The following TENT4B variants were observed in gnomAD, a reference collection of about 807,000 sequenced individuals.
The protein encoded by TENT4B is terminal nucleotidyltransferase 4B.
TENT4B carries 10 observed loss-of-function variants against 75.0 expected under a neutral mutation model. The ratio of observed to expected loss-of-function variants is 0.13; its 90% CI spans 0.08 to 0.23. The LOEUF is 0.23. Among genes scored for constraint, TENT4B ranks in the 10% least tolerant of loss-of-function variants. The pLI, the probability that TENT4B is intolerant of heterozygous loss-of-function variation, is 1.00. For synonymous variants in TENT4B, 350 were observed against 357.7 expected (o/e 0.98, Z 0.24); for missense variants, 579 against 893.8 (o/e 0.65, Z 4.49).
chr16:50,202,889 G>A (rs1356667392), intron 1 of TENT4B, among the ~76,000 whole-genome samples: 1 of 152,132 alleles, frequency 6.6e-6, no homozygotes, highest in Non-Finnish European at 1.5e-5. Context: ...GAAATCAACT[G>A]AAAAACCATC....
rs1349137395 is a variant in TENT4B, at chr16:50,231,854, T to C, written c.*2526T>C. 3 of 984,002 alleles carry C rather than the reference T, an allele frequency of 3.0e-6. No individual in the cohort carries two copies. The highest frequency in any genetic ancestry group is 3.5e-5 in the African/African-American group (2 of 57,192). The allele number at this position is 984,002 out of a possible 1,614,324, so 61.0% of individuals were successfully genotyped here. A position where few individuals can be genotyped will look rare whatever the true frequency, so the allele number is the denominator to read the frequency against. On this transcript the variant is annotated 3_prime_UTR_variant, in exon 12 of 12. Transcript: ENST00000561678. ...TTAGTTTGCCTGCTCATTTGTTTTATACATTTCATCTATTTGACTCCTATC... is the reference window on the plus strand; with the variant it reads ...TTAGTTTGCCTGCTCATTTGTTTTACACATTTCATCTATTTGACTCCTATC...
chr16:50,169,534 G>A (rs898211672), intron 1 of TENT4B, among the ~76,000 whole-genome samples: 1 of 151,788 alleles, frequency 6.6e-6, no homozygotes, highest in Non-Finnish European at 1.5e-5. Context: ...TATTTGGATT[G>A]TAAGTTTATG....
chr16:50,232,291 G>GT lies in TENT4B; in HGVS notation c.*2969dup. 4.1e-6 allele frequency: 4 copies of GT among 985,328 alleles called. No individual in the cohort carries two copies. Among genetic ancestry groups the GT allele is most frequent in the Non-Finnish European group, 4.8e-6 (4 of 829,906 alleles). 61.0% of individuals were successfully genotyped at this position (985,328 alleles called of 1,614,324 possible). Reference sequence around the variant, plus strand: ...TCTAGCTTGGATCTGTAGGACCTATGTTTTTTACAAGTAATTGCCCTCCAG... The same window carrying GT: ...TCTAGCTTGGATCTGTAGGACCTATGTTTTTTTACAAGTAATTGCCCTCCAG... On this transcript the variant is annotated 3_prime_UTR_variant, in exon 12 of 12. Coordinates refer to ENST00000561678, the MANE Select transcript of TENT4B (RefSeq NM_001365324.3).
At chr16:50,206,648 G>T (rs1205229866) in intron 1 of TENT4B, among the ~76,000 whole-genome samples, 1 of 152,036 alleles carries the variant, frequency 6.6e-6, no homozygotes, top group Admixed American at 6.6e-5. Context: ...GAGCAGAGGG[G>T]CTGGCCGTGG....
At chr16:50,163,207 C>T (rs1323593822) in intron 1 of TENT4B, among the ~76,000 whole-genome samples, 1 of 152,072 alleles carries the variant, frequency 6.6e-6, no homozygotes, top group African/African-American at 2.4e-5. Flanking sequence ...TGTTTTAATT[C>T]TATAATTAGG....
At chr16:50,223,869 T>C (rs996303329) in intron 7 of TENT4B, among the ~76,000 whole-genome samples, 4 of 152,264 alleles carry the variant, frequency 2.6e-5, no homozygotes, top group Non-Finnish European at 5.9e-5. Flanking sequence ...CATGTCTCTT[T>C]GTGCTTTTTC....
In TENT4B at chr16:50,227,913, G is replaced by A. The variant is rs368358423; in HGVS notation, c.1875G>A (p.Ser625=). Residue 625 remains serine, a synonymous_variant, in exon 11 of 12, where the codon TCG becomes TCA. Coordinates refer to ENST00000561678, the MANE Select transcript of TENT4B (RefSeq NM_001365324.3). ...CRPSTGNRVG[S]QDVSLESSQA... Reference sequence around the variant, plus strand: ...CGTCCACTGGGAACCGAGTAGGGTCGCAAGATGTATCCTTGGAGTCCTCTC... The same window carrying A: ...CGTCCACTGGGAACCGAGTAGGGTCACAAGATGTATCCTTGGAGTCCTCTC... 15 of 1,613,852 alleles carry A rather than the reference G, an allele frequency of 9.3e-6. No homozygotes were observed. The highest frequency in any genetic ancestry group is 8.9e-5 in the East Asian group (4 of 44,892).
chr16:50,211,675 T>C (rs552010837), intron 2 of TENT4B, among the ~76,000 whole-genome samples: 1 of 152,336 alleles, frequency 6.6e-6, no homozygotes, highest in African/African-American at 2.4e-5. Context: ...TTTGTAGTGC[T>C]AATAGCAACT....
chr16:50,191,046 CTT>C (rs1461158127), intron 1 of TENT4B, among the ~76,000 whole-genome samples: 2 of 151,950 alleles, frequency 1.3e-5, no homozygotes, highest in Non-Finnish European at 2.9e-5. Flanking sequence ...GTCAACATGA[CTT>C]TCCTTTTAAG....
At chr16:50,197,399 C>T (rs2030339889) in intron 1 of TENT4B, among the ~76,000 whole-genome samples, 1 of 152,172 alleles carries the variant, frequency 6.6e-6, no homozygotes, top group Non-Finnish European at 1.5e-5. Context: ...AGTGATTTTC[C>T]TGCCTCAGCC....
At chr16:50,217,993 C>G (rs991509814) in intron 5 of TENT4B, among the ~76,000 whole-genome samples, 1 of 149,430 alleles carries the variant, frequency 6.7e-6, no homozygotes, top group Non-Finnish European at 1.5e-5. Flanking sequence ...AGGCTGGTCT[C>G]TTAACTCCTG....
intron 1 of TENT4B, among the ~76,000 whole-genome samples, chr16:50,162,750 T>G (rs932220731): frequency 6.6e-6 from 1 of 152,216 alleles, no homozygotes; most frequent in Non-Finnish European, 1.5e-5. Context: ...TTGCTTTTTC[T>G]TAGAAACTAG....
intron 1 of TENT4B, among the ~76,000 whole-genome samples, chr16:50,189,415 A>G (rs1426262251): frequency 6.6e-6 from 1 of 152,174 alleles, no homozygotes; most frequent in Non-Finnish European, 1.5e-5. Context: ...CTTTGATTAT[A>G]AATGCTTTTG....
Position 50,234,620 on chromosome 16 carries a change from A to C in TENT4B, c.*5292A>C. ...ATCCTCTCTGATTTTTGCATATTGA[A>C]ACTTACAGAAGTCACTTTAAAAAAG... On this transcript the variant is annotated 3_prime_UTR_variant, in exon 12 of 12. Transcript: ENST00000561678. 1.0e-6 allele frequency: 1 copy of C among 985,116 alleles called. No individual in the cohort carries two copies. Among genetic ancestry groups the C allele is most frequent in the Non-Finnish European group, 1.2e-6 (1 of 829,672 alleles). 61.0% of individuals were successfully genotyped at this position (985,116 alleles called of 1,614,324 possible). A position where few individuals can be genotyped will look rare whatever the true frequency, so the allele number is the denominator to read the frequency against.
chr16:50,234,454 A>T lies in TENT4B; in HGVS notation c.*5126A>T, dbSNP rs2032388261. Reference sequence around the variant, plus strand: ...GTTATCAGCCACATTCTTGGAGTTAATATTTTTCTTCATCTTTCAGTTTGG... The same window carrying T: ...GTTATCAGCCACATTCTTGGAGTTATTATTTTTCTTCATCTTTCAGTTTGG... On this transcript the variant is annotated 3_prime_UTR_variant, in exon 12 of 12. Transcript: ENST00000561678. 1.0e-6 allele frequency: 1 copy of T among 985,306 alleles called. No individual in the cohort carries two copies. The allele number at this position is 985,306 out of a possible 1,614,324, so 61.0% of individuals were successfully genotyped here. A position where few individuals can be genotyped will look rare whatever the true frequency, so the allele number is the denominator to read the frequency against.
In TENT4B at chr16:50,232,005, G is replaced by A; in HGVS notation, c.*2677G>A. On this transcript the variant is annotated 3_prime_UTR_variant, in exon 12 of 12. Coordinates refer to ENST00000561678, the MANE Select transcript of TENT4B (RefSeq NM_001365324.3). The stretch of plus-strand genomic sequence containing the variant: ...TTCCTTTGCTAATACTTGTTGAATG[G>A]GATTTTACAAATTCTCCCTCACTCT... 1 of 984,892 alleles carries A rather than the reference G, an allele frequency of 1.0e-6. No individual in the cohort carries two copies. Among genetic ancestry groups the A allele is most frequent in the Non-Finnish European group, 1.2e-6 (1 of 829,612 alleles). The allele number at this position is 984,892 out of a possible 1,614,324, so 61.0% of individuals were successfully genotyped here.
At chr16:50,226,565 A>T (rs1177991353) in intron 10 of TENT4B, among the ~76,000 whole-genome samples, 3 of 152,070 alleles carry the variant, frequency 2.0e-5, no homozygotes, top group Admixed American at 1.3e-4. Context: ...AGTAGCTGGG[A>T]CTACAGGTGC....
intron 7 of TENT4B, among the ~76,000 whole-genome samples, chr16:50,224,232 G>A (rs183006541): frequency 3.3e-5 from 5 of 152,252 alleles, no homozygotes; most frequent in Non-Finnish European, 7.4e-5. Flanking sequence ...TGGGCCAAAG[G>A]ACACGAAGAC....
chr16:50,224,099 A>G (rs1279849766), intron 7 of TENT4B, among the ~76,000 whole-genome samples: 2 of 152,226 alleles, frequency 1.3e-5, no homozygotes, highest in African/African-American at 2.4e-5. Context: ...GTGAAGAGAT[A>G]GAGTAGTTGC....
Sources: allele counts gnomAD v4.1 joint callset (sites outside exome capture counted in the v4.1 genomes callset), GRCh38; gene constraint gnomAD v4.1.1; transcripts MANE v1.5; gene names NCBI Gene and HGNC (gene_info 2026-07-23, HGNC 2026-07-21).